The following NLGN1 variants were observed in gnomAD, a reference collection of about 807,000 sequenced individuals.
NLGN1 encodes neuroligin 1.
A neutral mutation model predicts 65.5 loss-of-function variants in NLGN1; 12 were observed. That is an observed-to-expected ratio of 0.18 (90% CI 0.12 to 0.30). NLGN1 has a LOEUF of 0.30. NLGN1 is among the 10% of genes least tolerant of loss of function. The pLI is 1.00. For missense variants in NLGN1, 750 were observed against 1,007.1 expected (o/e 0.74, Z 3.46); for synonymous variants, 350 against 359.5 (o/e 0.97, Z 0.30).
At chr3:173,824,440 A>T (rs1179471490) in intron 4 of NLGN1, among the ~76,000 whole-genome samples, 4 of 152,142 alleles carry the variant, frequency 2.6e-5, no homozygotes, top group Non-Finnish European at 4.4e-5. Context: ...GTAATCAATT[A>T]TGCCCTTGTT....
At chr3:173,564,787 A>G (rs761370573) in intron 2 of NLGN1, among the ~76,000 whole-genome samples, 1 of 152,204 alleles carries the variant, frequency 6.6e-6, no homozygotes, top group Non-Finnish European at 1.5e-5. Flanking sequence ...AGCCTAACTG[A>G]ACTTGTTTTA....
At chr3:173,757,644 G>A (rs766700054) in intron 3 of NLGN1, among the ~76,000 whole-genome samples, 3 of 151,998 alleles carry the variant, frequency 2.0e-5, no homozygotes, top group African/African-American at 2.4e-5. Context: ...TGCAGATATC[G>A]TTTATGTCCT....
chr3:173,773,757 A>G (rs796240913), intron 3 of NLGN1, among the ~76,000 whole-genome samples: 3 of 152,306 alleles, frequency 2.0e-5, no homozygotes, highest in African/African-American at 7.2e-5. Flanking sequence ...AATCACACAT[A>G]TAACTGTATA....
At chr3:174,007,949 A>AGT (rs5854543) in intron 4 of NLGN1, among the ~76,000 whole-genome samples, 126 of 148,840 alleles carry the variant, frequency 8.5e-4, no homozygotes, top group Admixed American at 1.1e-3. Flanking sequence ...GACCAGTCTA[A>AGT]GTGTGTGTGT....
At chr3:173,966,338 A>G (rs904736896) in intron 4 of NLGN1, among the ~76,000 whole-genome samples, 1 of 152,224 alleles carries the variant, frequency 6.6e-6, no homozygotes, top group Non-Finnish European at 1.5e-5. Flanking sequence ...AAAGATGCCA[A>G]GAGAGATTTT....
chr3:174,158,373 A>G (rs1725849447), intron 4 of NLGN1, among the ~76,000 whole-genome samples: 1 of 151,818 alleles, frequency 6.6e-6, no homozygotes, highest in African/African-American at 2.4e-5. Flanking sequence ...AATAAAATAT[A>G]AGTAGAAACC....
intron 4 of NLGN1, among the ~76,000 whole-genome samples, chr3:173,902,165 C>T (rs1737501375): frequency 1.3e-5 from 2 of 152,076 alleles, no homozygotes; most frequent in African/African-American, 2.4e-5. Flanking sequence ...ATACTCCTAA[C>T]TTCTTTTAGC....
At chr3:173,410,334 G>A (rs1712264327) in intron 1 of NLGN1, among the ~76,000 whole-genome samples, 1 of 152,308 alleles carries the variant, frequency 6.6e-6, no homozygotes, top group South Asian at 2.1e-4. Context: ...GACACACTGT[G>A]CTCACCTACT....
chr3:174,076,714 A>AGT (rs1741025940), intron 4 of NLGN1, among the ~76,000 whole-genome samples: 2 of 135,556 alleles, frequency 1.5e-5, no homozygotes, highest in Middle Eastern at 7.5e-3. Flanking sequence ...AGAGAGAGAG[A>AGT]GAGAGAGAGA....
chr3:173,670,869 T>C (rs915978460), intron 3 of NLGN1, among the ~76,000 whole-genome samples: 1 of 152,198 alleles, frequency 6.6e-6, no homozygotes, highest in African/African-American at 2.4e-5. Context: ...TAAGCATCTA[T>C]TATACTATAA....
At position 173,489,633 on chromosome 3, in the gene NLGN1, A is replaced by G. The variant is rs187494324; in HGVS notation, c.-321+54555A>G. Among the ~76,000 whole-genome samples, 1,506 of 152,160 alleles carry G rather than the reference A, an allele frequency of 9.9e-3. 18 individuals carry two copies. Among genetic ancestry groups the G allele is most frequent in the Non-Finnish European group, 0.016 (1,062 of 68,014 alleles). On this transcript the variant is annotated intron_variant, in intron 2 of 6. Coordinates refer to ENST00000457714, the Ensembl canonical transcript of NLGN1. ...GATGGCTGGGTCAAATGGTATTTCT[A>G]GTTCTAGATCCCTGAGGAATCGCCA... is the stretch of plus-strand genomic sequence containing the variant.
At chr3:173,927,391 G>GTA (rs1179035676) in intron 4 of NLGN1, among the ~76,000 whole-genome samples, 2 of 152,094 alleles carry the variant, frequency 1.3e-5, no homozygotes, top group Admixed American at 6.6e-5. Context: ...ATTTAAAAGT[G>GTA]TAGAGTTTAG....
intron 2 of NLGN1, among the ~76,000 whole-genome samples, chr3:173,602,788 G>T (rs1168105931): frequency 6.6e-6 from 1 of 151,980 alleles, no homozygotes; most frequent in African/African-American, 2.4e-5. Flanking sequence ...TCATGCTGTG[G>T]CCCACTATGA....
chr3:174,012,607 C>T (rs1725781116), intron 4 of NLGN1, among the ~76,000 whole-genome samples: 1 of 152,170 alleles, frequency 6.6e-6, no homozygotes, highest in Non-Finnish European at 1.5e-5. Context: ...TTCCTGCAGT[C>T]CTAGCCTTTT....
chr3:174,136,929 TG>T (rs1318585334), intron 4 of NLGN1, among the ~76,000 whole-genome samples: 3 of 152,118 alleles, frequency 2.0e-5, no homozygotes, highest in African/African-American at 7.2e-5. Flanking sequence ...ATACCGTAAA[TG>T]GAAAGTGCAT....
intron 2 of NLGN1, among the ~76,000 whole-genome samples, chr3:173,437,081 A>G (rs1430885145): frequency 6.6e-6 from 1 of 152,256 alleles, no homozygotes. Context: ...AAGAAGCACT[A>G]CATAAAACAT....
intron 2 of NLGN1, among the ~76,000 whole-genome samples, chr3:173,571,283 G>C (rs1235430492): frequency 6.6e-6 from 1 of 152,150 alleles, no homozygotes; most frequent in African/African-American, 2.4e-5. Context: ...TTCCAAAACT[G>C]AAATAAAATC....
intron 4 of NLGN1, among the ~76,000 whole-genome samples, chr3:174,049,987 AGG>A (rs1734460420): frequency 6.6e-6 from 1 of 152,078 alleles, no homozygotes; most frequent in Admixed American, 6.6e-5. Context: ...TCAAGAGAAA[AGG>A]GGAATATTTT....
intron 2 of NLGN1, among the ~76,000 whole-genome samples, chr3:173,600,939 C>T (rs948969184): frequency 1.3e-5 from 2 of 151,928 alleles, no homozygotes; most frequent in African/African-American, 4.8e-5. Context: ...TTCTCAGAAA[C>T]AAACTAGTTG....
Sources: gnomAD v4.1 joint callset for allele counts (sites outside exome capture counted in the v4.1 genomes callset) on GRCh38, gnomAD v4.1.1 for gene constraint, MANE v1.5 for transcripts, NCBI Gene and HGNC (gene_info 2026-07-23, HGNC 2026-07-21) for gene names.